Variants in ERG observed in about 807,000 individuals in gnomAD.
ERG encodes the protein ETS transcription factor ERG.
Under a neutral mutation model 55.3 loss-of-function variants are expected in ERG, and 9 were observed. That is an observed-to-expected ratio of 0.16 (90% CI 0.10 to 0.28). The LOEUF is 0.28. Ranked by LOEUF, ERG falls within the 10% of genes least tolerant of loss-of-function variation. The pLI is 1.00. For synonymous variants in ERG, 223 were observed against 237.3 expected (o/e 0.94, Z 0.55); for missense variants, 434 against 631.6 (o/e 0.69, Z 3.35).
Position 38,392,369 on chromosome 21 carries a change from A to G in ERG, c.814+7T>C, listed in dbSNP as rs1240110062. On this transcript the variant is annotated splice_region_variant and intron_variant, in intron 7 of 9. Coordinates refer to ENST00000288319, the MANE Select transcript of ERG (RefSeq NM_182918.4). ...GAAACTCAGGGTCATGGGAGCCAAC[A>G]CTGTACCTTTCGACTGGGGCGTGGG... The G allele has an allele frequency of 1.3e-6, 2 of 1,561,804 alleles. No individual in the cohort carries two copies. Among genetic ancestry groups the G allele is most frequent in the Admixed American group, 1.9e-5 (1 of 52,948 alleles).
chr21:38,513,449 T>C (rs1042818449), intron 2 of ERG, among the ~76,000 whole-genome samples: 10 of 152,172 alleles, frequency 6.6e-5, no homozygotes, highest in African/African-American at 2.4e-4. Flanking sequence ...GAGAAGTATA[T>C]CAGTATGAGG....
chr21:38,609,008 C>T (rs77074194), intron 1 of ERG, among the ~76,000 whole-genome samples: 1 of 152,250 alleles, frequency 6.6e-6, no homozygotes, highest in East Asian at 1.9e-4. Flanking sequence ...GATTAACATA[C>T]CCATCATCTC....
chr21:38,523,903 T>C (rs1287270673), intron 2 of ERG, among the ~76,000 whole-genome samples: 4 of 152,234 alleles, frequency 2.6e-5, no homozygotes, highest in African/African-American at 4.8e-5. Flanking sequence ...TTCCTGCTCA[T>C]AAACAGAAAC....
At chr21:38,398,296 C>T (rs1009245590) in intron 6 of ERG, among the ~76,000 whole-genome samples, 2 of 150,320 alleles carry the variant, frequency 1.3e-5, no homozygotes, top group African/African-American at 4.8e-5. Context: ...ATGGATGACC[C>T]GAGGTGTATA....
chr21:38,569,879 A>G (rs1275487353), intron 2 of ERG, among the ~76,000 whole-genome samples: 2 of 152,096 alleles, frequency 1.3e-5, no homozygotes, highest in African/African-American at 4.8e-5. Context: ...CTACTCACAT[A>G]TGAGAACCAT....
intron 1 of ERG, among the ~76,000 whole-genome samples, chr21:38,607,448 T>C (rs1027426080): frequency 4.6e-5 from 7 of 152,174 alleles, no homozygotes; most frequent in Non-Finnish European, 8.8e-5. Context: ...CTGGCCAACA[T>C]GGTGAAACCC....
At chr21:38,505,055 A>G (rs2059449856) in intron 2 of ERG, among the ~76,000 whole-genome samples, 1 of 152,150 alleles carries the variant, frequency 6.6e-6, no homozygotes, top group African/African-American at 2.4e-5. Flanking sequence ...GTTGGCTTTT[A>G]GTTTTCGGTT....
chr21:38,407,778 G>T (rs1219598766), intron 3 of ERG, among the ~76,000 whole-genome samples: 1 of 143,178 alleles, frequency 7.0e-6, no homozygotes, highest in Non-Finnish European at 1.5e-5. Context: ...AAAACAAAAA[G>T]AAAAGTTAAA....
Position 38,538,270 on chromosome 21 carries a change from G to A in ERG, c.-41+37392C>T, listed in dbSNP as rs1601207561. On this transcript the variant is annotated intron_variant, in intron 2 of 8. Transcript: ENST00000398897. ...ATGATGGTGAGTTTTGCACCACAAT[G>A]TGAATGTATTTAATACCACTCAACT... is the stretch of plus-strand genomic sequence containing the variant. 2.0e-5 allele frequency among the ~76,000 whole-genome samples: 3 copies of A among 152,238 alleles called. No homozygotes were observed. In the East Asian group the frequency reaches 5.8e-4, roughly 29 times the overall value.
At chr21:38,605,271 A>G (rs1181095271) in intron 1 of ERG, among the ~76,000 whole-genome samples, 1 of 152,194 alleles carries the variant, frequency 6.6e-6, no homozygotes, top group Non-Finnish European at 1.5e-5. Flanking sequence ...CACAAAAATC[A>G]CTGTTTTTAA....
At chr21:38,551,078 G>T (rs2059821291) in intron 2 of ERG, among the ~76,000 whole-genome samples, 1 of 151,876 alleles carries the variant, frequency 6.6e-6, no homozygotes, top group Admixed American at 6.6e-5. Context: ...TTGGGGTGTT[G>T]TATGTTTCCA....
At chr21:38,560,993 C>T (rs193189953) in intron 2 of ERG, among the ~76,000 whole-genome samples, 1 of 152,182 alleles carries the variant, frequency 6.6e-6, no homozygotes, top group East Asian at 1.9e-4. Context: ...GGTTTTCTAA[C>T]ACATACTTTT....
intron 2 of ERG, among the ~76,000 whole-genome samples, chr21:38,549,527 A>C (rs1418495897): frequency 1.3e-5 from 2 of 152,188 alleles, no homozygotes; most frequent in Admixed American, 1.3e-4. Flanking sequence ...ACAGTAATGC[A>C]CAATGTCCTG....
chr21:38,583,374 C>T (rs1017636652), intron 1 of ERG, among the ~76,000 whole-genome samples: 24 of 152,216 alleles, frequency 1.6e-4, no homozygotes, highest in African/African-American at 3.6e-4. Context: ...GAGCACCGCC[C>T]GAAATCCTGT....
chr21:38,521,915 T>C (rs1428566251), intron 2 of ERG, among the ~76,000 whole-genome samples: 4 of 152,194 alleles, frequency 2.6e-5, no homozygotes, highest in Non-Finnish European at 4.4e-5. Flanking sequence ...AACTTATGGC[T>C]TGCACATTAA....
At chr21:38,471,687 T>C (rs1200671890) in intron 1 of ERG, 2 of 152,228 alleles carry the variant, frequency 1.3e-5, no homozygotes, top group Non-Finnish European at 2.9e-5. Context: ...CATTGCTTAA[T>C]TTTGTTTCAT....
chr21:38,519,542 G>A (rs935621460), intron 2 of ERG, among the ~76,000 whole-genome samples: 6 of 152,162 alleles, frequency 3.9e-5, no homozygotes, highest in African/African-American at 1.4e-4. Context: ...GCTTCCTTGT[G>A]GTGACTCTCA....
intron 2 of ERG, among the ~76,000 whole-genome samples, chr21:38,573,114 C>T (rs1047769472): frequency 6.6e-6 from 1 of 152,194 alleles, no homozygotes; most frequent in Non-Finnish European, 1.5e-5. Flanking sequence ...TGTTTACAAG[C>T]AGTATACTTG....
chr21:38,536,048 T>C (rs1049988140), intron 2 of ERG, among the ~76,000 whole-genome samples: 21 of 152,172 alleles, frequency 1.4e-4, no homozygotes, highest in African/African-American at 4.8e-4. Flanking sequence ...ACGGCAAGTG[T>C]TATGTGGGCC....
Sources: gnomAD v4.1 joint callset for allele counts (sites outside exome capture counted in the v4.1 genomes callset) on GRCh38, gnomAD v4.1.1 for gene constraint, MANE v1.5 for transcripts, NCBI Gene and HGNC (gene_info 2026-07-23, HGNC 2026-07-21) for gene names.